The following TRIM2 variants were observed in gnomAD, a reference collection of about 807,000 sequenced individuals.
The protein encoded by TRIM2 is tripartite motif-containing protein 2.
In TRIM2, 20 loss-of-function variants were observed where a neutral mutation model predicts 75.2. The ratio of observed to expected loss-of-function variants is 0.27; its 90% CI spans 0.19 to 0.39. TRIM2 has a LOEUF of 0.39. TRIM2 is among the 10% of genes least tolerant of loss of function. The pLI is 1.00. For missense variants in TRIM2, 660 were observed against 990.8 expected, an observed-to-expected ratio of 0.67 and a Z score of 4.48; for synonymous variants, 373 against 388.3, an observed-to-expected ratio of 0.96 and a Z score of 0.46.
intron 1 of TRIM2, among the ~76,000 whole-genome samples, chr4:153,161,291 AG>A (rs1456073497): frequency 2.0e-5 from 3 of 152,210 alleles, no homozygotes; most frequent in African/African-American, 7.2e-5. Flanking sequence ...TATACACAAA[AG>A]CTTTGTGCTA....
intron 1 of TRIM2, among the ~76,000 whole-genome samples, chr4:153,178,248 T>C (rs890830939): frequency 1.9e-4 from 29 of 152,146 alleles, no homozygotes; most frequent in African/African-American, 7.0e-4. Context: ...CAGGGGCTGA[T>C]GTGCAGGCTG....
At chr4:153,231,839 A>G (rs1249308612) in intron 1 of TRIM2, among the ~76,000 whole-genome samples, 1 of 151,906 alleles carries the variant, frequency 6.6e-6, no homozygotes, top group African/African-American at 2.4e-5. Flanking sequence ...ATTAGGGCCC[A>G]CTCTAATGAC....
intron 4 of TRIM2, among the ~76,000 whole-genome samples, chr4:153,294,038 G>C (rs972831866): frequency 6.6e-6 from 1 of 152,158 alleles, no homozygotes; most frequent in Non-Finnish European, 1.5e-5. Flanking sequence ...GCTTTTCAGA[G>C]AGCTTCAAGT....
At chr4:153,211,151 G>A (rs1354453965) in intron 1 of TRIM2, among the ~76,000 whole-genome samples, 4 of 152,172 alleles carry the variant, frequency 2.6e-5, no homozygotes, top group African/African-American at 9.7e-5. Flanking sequence ...CACCGACCTG[G>A]TGGTGTCTCA....
Position 153,293,035 on chromosome 4 carries a change from G to A in TRIM2, c.507G>A (p.Thr169=), listed in dbSNP as rs945034696. 14 of 1,613,486 alleles carry A rather than the reference G, an allele frequency of 8.7e-6. No homozygotes were observed. The highest frequency in any genetic ancestry group is 4.0e-5 in the African/African-American group (3 of 74,934). The change falls in exon 4 of 12, where the codon ACG becomes ACA. Residue 169 remains threonine, a synonymous_variant. Coordinates refer to ENST00000338700, the MANE Select transcript of TRIM2 (RefSeq NM_015271.5). ...SCETAMCREC[T]EGEHAEHPTV... is the part of the protein sequence containing the mutation. Reference sequence around the variant, plus strand: ...AGACTGCCATGTGTCGGGAGTGCACGGAGGGGGAGCACGCAGAGCACCCCA... The same window carrying A: ...AGACTGCCATGTGTCGGGAGTGCACAGAGGGGGAGCACGCAGAGCACCCCA...
chr4:153,336,787 CT>C lies in TRIM2; in HGVS notation c.*1822del. The C allele has an allele frequency of 1.0e-6, 1 of 985,532 alleles. No individual in the cohort carries two copies. The highest frequency in any genetic ancestry group is 1.2e-6 in the Non-Finnish European group (1 of 829,758). The allele number at this position is 985,532 out of a possible 1,614,324, so 61.0% of individuals were successfully genotyped here. On this transcript the variant is annotated 3_prime_UTR_variant, in exon 12 of 12. Coordinates refer to ENST00000338700, the MANE Select transcript of TRIM2 (RefSeq NM_015271.5). ...TTAAATTTATTATGCCCAAATCAAC[CT>C]CTGAAAAAAGGTTTTTCCAGGAAGA...
chr4:153,255,023 C>A (rs1414360332), intron 1 of TRIM2, among the ~76,000 whole-genome samples: 1 of 152,200 alleles, frequency 6.6e-6, no homozygotes, highest in Non-Finnish European at 1.5e-5. Context: ...GCTCCGCACA[C>A]CCCGCACACC....
chr4:153,283,861 C>CTTTTTTTTTTTTT (rs71598257), intron 3 of TRIM2, among the ~76,000 whole-genome samples: 1 of 53,256 alleles, frequency 1.9e-5, no homozygotes, highest in African/African-American at 8.5e-5. Context: ...TGGCCTTGAT[C>CTTTTTTTTTTTTT]TTTTTTTTTT....
intron 1 of TRIM2, among the ~76,000 whole-genome samples, chr4:153,155,990 G>T (rs1003093695): frequency 1.3e-5 from 2 of 152,198 alleles, no homozygotes; most frequent in Non-Finnish European, 2.9e-5. Flanking sequence ...CAGATCTTCT[G>T]ATTTGCCAAG....
In TRIM2 at chr4:153,337,545, T is replaced by C. The variant is rs548110510; in HGVS notation, c.*2579T>C. On this transcript the variant is annotated 3_prime_UTR_variant, in exon 12 of 12. Coordinates refer to ENST00000338700, the MANE Select transcript of TRIM2 (RefSeq NM_015271.5). Reference sequence around the variant, plus strand: ...ATATGTGATTATATATGTTAAAGTATAGATAACATTTCACACTTGGATACA... The same window carrying C: ...ATATGTGATTATATATGTTAAAGTACAGATAACATTTCACACTTGGATACA... 5 of 985,712 alleles carry C rather than the reference T, an allele frequency of 5.1e-6. No individual in the cohort carries two copies. The African/African-American group carries it at 8.7e-5, about 17-fold the overall frequency. The allele number at this position is 985,712 out of a possible 1,614,324, so 61.1% of individuals were successfully genotyped here. A position where few individuals can be genotyped will look rare whatever the true frequency, so the allele number is the denominator to read the frequency against.
chr4:153,287,260 A>G (rs1416561419), intron 3 of TRIM2, among the ~76,000 whole-genome samples: 6 of 152,212 alleles, frequency 3.9e-5, no homozygotes, highest in Non-Finnish European at 4.4e-5. Flanking sequence ...GATTACAGGC[A>G]TGAGCCACCA....
At chr4:153,218,034 T>A (rs959793006) in intron 1 of TRIM2, among the ~76,000 whole-genome samples, 1 of 152,264 alleles carries the variant, frequency 6.6e-6, no homozygotes, top group African/African-American at 2.4e-5. Context: ...AATATGTGTA[T>A]CTTAATTTCA....
At chr4:153,278,528 G>A (rs905111984) in intron 3 of TRIM2, among the ~76,000 whole-genome samples, 3 of 152,202 alleles carry the variant, frequency 2.0e-5, no homozygotes, top group Non-Finnish European at 4.4e-5. Context: ...GCCAGACATG[G>A]TGGCTCATGC....
At chr4:153,192,754 C>T (rs1363821382) in intron 1 of TRIM2, among the ~76,000 whole-genome samples, 1 of 152,176 alleles carries the variant, frequency 6.6e-6, no homozygotes, top group Non-Finnish European at 1.5e-5. Context: ...CGGGCCTTTG[C>T]ACCCACTGTT....
intron 5 of TRIM2, among the ~76,000 whole-genome samples, chr4:153,294,839 C>G (rs1247551204): frequency 6.6e-6 from 1 of 152,206 alleles, no homozygotes; most frequent in Non-Finnish European, 1.5e-5. Context: ...AAAATGAACC[C>G]TGACTGCAGC....
chr4:153,303,823 A>G (rs1280218644), intron 6 of TRIM2, among the ~76,000 whole-genome samples: 1 of 152,190 alleles, frequency 6.6e-6, no homozygotes, highest in African/African-American at 2.4e-5. Flanking sequence ...CAATACCTTT[A>G]TATTTTTTGG....
At chr4:153,256,294 C>T (rs1487185206) in intron 1 of TRIM2, among the ~76,000 whole-genome samples, 2 of 152,224 alleles carry the variant, frequency 1.3e-5, no homozygotes, top group Non-Finnish European at 2.9e-5. Context: ...CCTACTACCA[C>T]CAAAGGTAAT....
At chr4:153,200,937 C>G (rs1208759070), upstream of TRIM2, among the ~76,000 whole-genome samples, 1 of 151,684 alleles carries the variant, frequency 6.6e-6, no homozygotes, top group East Asian at 1.9e-4. Context: ...CAGGTATGAG[C>G]CACCACGCCT....
At chr4:153,334,614 G>A (rs1038696240) in intron 11 of TRIM2, among the ~76,000 whole-genome samples, 200 bp from the exon 12 acceptor site, 2 of 152,048 alleles carry the variant, frequency 1.3e-5, no homozygotes, top group African/African-American at 4.8e-5. Context: ...GCTGAATCAG[G>A]AGAATCGCTT....
Sources: gnomAD v4.1 joint callset for allele counts (sites outside exome capture counted in the v4.1 genomes callset) on GRCh38, gnomAD v4.1.1 for gene constraint, MANE v1.5 for transcripts, NCBI Gene and HGNC (gene_info 2026-07-23, HGNC 2026-07-21) for gene names.